The following INSL6 variants were observed in gnomAD, a reference collection of about 807,000 sequenced individuals.
INSL6 encodes the protein insulin like 6, also known as insulin-like peptide INSL6.
A neutral mutation model predicts 9.4 loss-of-function variants in INSL6; 16 were observed. The ratio of observed to expected loss-of-function variants is 1.70; its 90% CI spans 1.15 to 2.59. The LOEUF is 2.59. INSL6 is among the 30% of genes most tolerant of loss of function. The pLI is 0.00. For synonymous variants in INSL6, 154 were observed against 96.9 expected (o/e 1.59, Z -3.46); for missense variants, 391 against 257.3 (o/e 1.52, Z -3.56).
At chr9:5,099,876 C>G in the INSL6 span, 18 of 152,218 alleles carry the variant, frequency 1.2e-4, 1 homozygote, top group African/African-American at 4.1e-4. Context: ...TAGCAATCCC[C>G]CTGTGAGCAG....
Position 5,124,200 on chromosome 9 carries a change from A to T in INSL6, c.*322T>A, listed in dbSNP as rs192493546. Among the ~76,000 whole-genome samples the T allele has an allele frequency of 4.5e-3, 690 of 151,736 alleles. 7 individuals are homozygous for T. The highest frequency in any genetic ancestry group is 0.016 in the African/African-American group (647 of 41,488). ...TGATTATTGATTTTGCTATGCTGAA[A>T]TTTTTTAGCTTAATAAAGTCTCATT... is the stretch of plus-strand genomic sequence containing the variant. On this transcript the variant is annotated 3_prime_UTR_variant, in exon 4 of 4. Transcript: ENST00000649639.
chr9:5,041,278 G>A, the INSL6 span: 6 of 1,080,390 alleles, frequency 5.6e-6, no homozygotes, highest in African/African-American at 9.3e-5. Flanking sequence ...GGCTGGCCAA[G>A]GGGTACACTG....
chr9:5,020,375 G>A, the INSL6 span, among the ~76,000 whole-genome samples: 1 of 152,176 alleles, frequency 6.6e-6, no homozygotes, highest in Non-Finnish European at 1.5e-5. Context: ...GTGGGGTGCT[G>A]AGCTGGGCAG....
chr9:5,015,687 A>G, the INSL6 span, among the ~76,000 whole-genome samples: 1 of 152,166 alleles, frequency 6.6e-6, no homozygotes, highest in Admixed American at 6.6e-5. Context: ...CAGGAAAAGA[A>G]AAAAGCCAAT....
chr9:5,169,163 T>A (rs1425810961), intron 1 of INSL6, among the ~76,000 whole-genome samples: 2 of 152,180 alleles, frequency 1.3e-5, no homozygotes, highest in African/African-American at 4.8e-5. Flanking sequence ...TGACCTCAGG[T>A]GATCCACCTG....
the INSL6 span, among the ~76,000 whole-genome samples, chr9:5,006,159 T>G: frequency 6.6e-6 from 1 of 152,178 alleles, no homozygotes; most frequent in African/African-American, 2.4e-5. Context: ...TTGTATCCTC[T>G]TTTATTTCAT....
At chr9:5,085,890 G>A in the INSL6 span, 1 of 820,596 alleles carries the variant, frequency 1.2e-6, no homozygotes, top group South Asian at 1.3e-5. Context: ...TGATATGAGC[G>A]GTTCCTTTCT....
intron 2 of INSL6, among the ~76,000 whole-genome samples, chr9:5,148,165 G>C (rs1321426302): frequency 2.0e-5 from 3 of 152,148 alleles, no homozygotes; most frequent in Non-Finnish European, 4.4e-5. Flanking sequence ...GGGAGAGCTG[G>C]TATTCCTTCA....
chr9:5,014,074 T>C, the INSL6 span, among the ~76,000 whole-genome samples: 7 of 152,126 alleles, frequency 4.6e-5, no homozygotes, highest in African/African-American at 1.7e-4. Context: ...TTTGAAAATA[T>C]GAACTTTTAA....
the INSL6 span, among the ~76,000 whole-genome samples, chr9:5,063,382 G>A: frequency 6.6e-6 from 1 of 152,052 alleles, no homozygotes; most frequent in African/African-American, 2.4e-5. Flanking sequence ...GTACCTCTTC[G>A]ATCACAGCAT....
intron 2 of INSL6, among the ~76,000 whole-genome samples, chr9:5,145,334 TAA>T (rs1206778936): frequency 2.0e-5 from 3 of 152,210 alleles, no homozygotes; most frequent in African/African-American, 7.2e-5. Flanking sequence ...CCACTGATAG[TAA>T]GACAGACTTC....
At chr9:5,020,162 T>C in the INSL6 span, among the ~76,000 whole-genome samples, 2 of 152,168 alleles carry the variant, frequency 1.3e-5, no homozygotes, top group Non-Finnish European at 2.9e-5. Flanking sequence ...TCTGTGCTTA[T>C]GTCGGCAGTG....
the INSL6 span, among the ~76,000 whole-genome samples, chr9:5,051,968 A>G: frequency 1.3e-5 from 2 of 149,210 alleles, no homozygotes; most frequent in South Asian, 2.2e-4. Context: ...AGCCCAAAGG[A>G]AAAAAAAAAC....
At chr9:5,087,643 A>C in the INSL6 span, among the ~76,000 whole-genome samples, 1 of 152,362 alleles carries the variant, frequency 6.6e-6, no homozygotes, top group African/African-American at 2.4e-5. Flanking sequence ...ACAAGGATTT[A>C]GAAAAAGTAT....
downstream of INSL6, among the ~76,000 whole-genome samples, chr9:5,120,741 G>A (rs534345564): frequency 6.6e-6 from 1 of 152,288 alleles, no homozygotes; most frequent in African/African-American, 2.4e-5. Flanking sequence ...AGACTGATTG[G>A]AGATATTTCT....
At chr9:5,181,380 G>A (rs576195883) in intron 1 of INSL6, among the ~76,000 whole-genome samples, 1 of 151,942 alleles carries the variant, frequency 6.6e-6, no homozygotes, top group South Asian at 2.1e-4. Flanking sequence ...TATCAGTAAT[G>A]GTTATCCCAC....
chr9:5,116,301 G>C, the INSL6 span, among the ~76,000 whole-genome samples: 5 of 152,190 alleles, frequency 3.3e-5, no homozygotes, highest in African/African-American at 4.8e-5. Context: ...TCCTAACCAT[G>C]ATAATGCTTT....
chr9:5,072,384 T>C, the INSL6 span: 1 of 718,830 alleles, frequency 1.4e-6, no homozygotes, highest in Non-Finnish European at 2.1e-6. Context: ...CTAAGGAAAA[T>C]ACTTGCTTAT....
At chr9:5,031,034 G>A in the INSL6 span, among the ~76,000 whole-genome samples, 1 of 152,014 alleles carries the variant, frequency 6.6e-6, no homozygotes, top group African/African-American at 2.4e-5. Flanking sequence ...GTCTTAATAA[G>A]AAAAAACAGA....
Sources: gnomAD v4.1 joint callset for allele counts (sites outside exome capture counted in the v4.1 genomes callset) on GRCh38, gnomAD v4.1.1 for gene constraint, MANE v1.5 for transcripts, NCBI Gene and HGNC (gene_info 2026-07-23, HGNC 2026-07-21) for gene names.